The following SLC35E1 variants were observed in gnomAD, a reference collection of about 807,000 sequenced individuals.
The protein encoded by SLC35E1 is solute carrier family 35 member E1, also known as solute carrier family 35, member E1.
A neutral mutation model predicts 31.0 loss-of-function variants in SLC35E1; 12 were observed. The observed-to-expected ratio is 0.39, with a 90% CI of 0.25 to 0.63. The LOEUF (loss-of-function observed/expected upper bound fraction) is 0.63, where lower values mean the gene tolerates loss of function less well. Among genes scored for constraint, SLC35E1 ranks in the 20% least tolerant of loss-of-function variants. The pLI is 0.52. For missense variants in SLC35E1, 429 were observed against 572.2 expected, an observed-to-expected ratio of 0.75 and a Z score of 2.55; for synonymous variants, 257 against 264.1, an observed-to-expected ratio of 0.97 and a Z score of 0.26.
chr19:16,556,548 G>A (rs922867178), intron 4 of SLC35E1, among the ~76,000 whole-genome samples: 1 of 152,178 alleles, frequency 6.6e-6, no homozygotes, highest in African/African-American at 2.4e-5. Context: ...ACCCTGACCA[G>A]AATGAGGCCA....
rs1271683033 is a variant in SLC35E1, at chr19:16,555,868, T to C, written c.757-471A>G. On this transcript the variant is annotated intron_variant, in intron 4 of 5. Coordinates refer to ENST00000595753, the MANE Select transcript of SLC35E1 (RefSeq NM_024881.5). The surrounding 1 kb of genome is among the most constrained non-coding windows in gnomAD (Gnocchi z 4.1). ...GCGAGGATGAACAGAATCATGGCTT[T>C]TGAAGTGCTTTACAACAATCTCAAG... 6.1e-6 allele frequency: 1 copy of C among 163,202 alleles called. No individual in the cohort carries two copies. The highest frequency in any genetic ancestry group is 1.3e-5 in the Non-Finnish European group (1 of 74,888). 10.1% of individuals were successfully genotyped at this position (163,202 alleles called of 1,614,324 possible). A position where few individuals can be genotyped will look rare whatever the true frequency, so the allele number is the denominator to read the frequency against.
At chr19:16,567,908 C>T in intron 3 of SLC35E1, 124 bp downstream of exon 3, 1 of 1,307,430 alleles carries the variant, frequency 7.6e-7, no homozygotes, top group Non-Finnish European at 1.0e-6. Context: ...AGCAGAATGG[C>T]AATCAAGATT....
At position 16,551,494 on chromosome 19, in the gene SLC35E1, C is replaced by G. The variant is rs1481934061; in HGVS notation, c.*2185G>C. On this transcript the variant is annotated 3_prime_UTR_variant, in exon 6 of 6. Coordinates refer to ENST00000595753, the MANE Select transcript of SLC35E1 (RefSeq NM_024881.5). The stretch of plus-strand genomic sequence containing the variant: ...TCTCTGAACAGGGAAACATCTCGCT[C>G]GCTGGGAGATAAAAGGTAAATCTCT... 1 of 152,132 alleles carries G rather than the reference C, an allele frequency of 6.6e-6. No individual in the cohort carries two copies. The highest frequency in any genetic ancestry group is 2.4e-5 in the African/African-American group (1 of 41,418). The allele number at this position is 152,132 out of a possible 1,614,324, so 9.4% of individuals were successfully genotyped here.
At position 16,572,072 on chromosome 19, in the gene SLC35E1, G is replaced by A. The variant is rs757953755; in HGVS notation, c.293C>T (p.Ser98Leu). ...VSGPGPSPHP[S>L]SGPLLPPRFY... ...GCGCGGCGGCAGCAGCGGGCCGGAC[G>A]ACGGATGCGGACTGGGTCCGGGGCC... The change falls in exon 1 of 6, where the codon TCG becomes TTG. Residue 98 changes from serine to leucine, a missense_variant. Physicochemically the swap from Ser to Leu is moderately radical, Grantham distance 145 (BLOSUM62 -2). Transcript: ENST00000595753. This position sits in a 1 kb window ranked among gnomAD's most constrained non-coding sequence, Gnocchi z 4.1. 21 of 1,538,376 alleles carry A rather than the reference G, an allele frequency of 1.4e-5. No individual in the cohort carries two copies. The highest frequency in any genetic ancestry group is 4.4e-6 in the Non-Finnish European group (5 of 1,142,264).
chr19:16,557,405 G>A (rs530268873), intron 4 of SLC35E1, among the ~76,000 whole-genome samples: 6 of 152,248 alleles, frequency 3.9e-5, no homozygotes, highest in Admixed American at 3.3e-4. Context: ...GTGTTAGCCA[G>A]GATGGTCTCG....
intron 4 of SLC35E1, among the ~76,000 whole-genome samples, chr19:16,557,626 C>T (rs1490693848): frequency 6.6e-6 from 1 of 152,206 alleles, no homozygotes; most frequent in Non-Finnish European, 1.5e-5. Flanking sequence ...TGTTTTCTGT[C>T]ATGATCCGTG....
At position 16,571,581 on chromosome 19, in the gene SLC35E1, G is replaced by C. The variant is rs747679396; in HGVS notation, c.423C>G (p.Val141=). Residue 141 remains valine, a splice_region_variant and synonymous_variant, in exon 2 of 6, where the codon GTC becomes GTG. Coordinates refer to ENST00000595753, the MANE Select transcript of SLC35E1 (RefSeq NM_024881.5). ...CCACCCAGATGGGCATGGTGGCCTT[G>C]ACTGCAAAGAGAGGGATGGGCACTC... ...WKVPVSYAHT[V]KATMPIWVVL... 6.2e-7 allele frequency: 1 copy of C among 1,613,658 alleles called. No individual in the cohort carries two copies. The highest frequency in any genetic ancestry group is 8.5e-7 in the Non-Finnish European group (1 of 1,179,944).
At chr19:16,567,945 C>G in intron 3 of SLC35E1, 87 bp downstream of exon 3, 1 of 1,450,296 alleles carries the variant, frequency 6.9e-7, no homozygotes, top group Non-Finnish European at 9.1e-7. Flanking sequence ...AAAGAAATTT[C>G]TACTCCGCCT....
chr19:16,571,493 A>G lies in SLC35E1; in HGVS notation c.492+19T>C, dbSNP rs1370380119. ...CCCCCTGGAGCTCCCATCTGCCCAGAGTCCCTGCCCGGGGTTACCTTGGTG... is the reference window on the plus strand; with the variant it reads ...CCCCCTGGAGCTCCCATCTGCCCAGGGTCCCTGCCCGGGGTTACCTTGGTG... On this transcript the variant is annotated intron_variant, in intron 2 of 5. Transcript: ENST00000595753. The G allele has an allele frequency of 1.2e-6, 2 of 1,613,556 alleles. No homozygotes were observed. Among genetic ancestry groups the G allele is most frequent in the African/African-American group, 1.3e-5 (1 of 75,024 alleles).
At chr19:16,562,621 A>G (rs1468318732) in intron 4 of SLC35E1, among the ~76,000 whole-genome samples, 3 of 25,288 alleles carry the variant, frequency 1.2e-4, no homozygotes, top group Non-Finnish European at 2.2e-4. Context: ...TCTTTATTAT[A>G]GTATTTTGTT....
chr19:16,553,649 C>A lies in SLC35E1; in HGVS notation c.*30G>T. ...CTGCTGTGGGGGCCGGGGAAGGAGT[C>A]ACCAACAGTCTGGTCCTGTCCTTTG... On this transcript the variant is annotated 3_prime_UTR_variant, in exon 6 of 6. Transcript: ENST00000595753. The A allele has an allele frequency of 7.0e-7, 1 of 1,431,774 alleles. No homozygotes were observed. Among genetic ancestry groups the A allele is most frequent in the South Asian group, 1.7e-5 (1 of 59,946 alleles). 88.7% of individuals were successfully genotyped at this position (1,431,774 alleles called of 1,614,324 possible). A position where few individuals can be genotyped will look rare whatever the true frequency, so the allele number is the denominator to read the frequency against.
intron 4 of SLC35E1, among the ~76,000 whole-genome samples, chr19:16,559,812 T>C (rs564019237): frequency 2.6e-5 from 4 of 152,302 alleles, no homozygotes; most frequent in Admixed American, 6.5e-5. Flanking sequence ...TGTTGGCCCT[T>C]GTTGATTGTC....
chr19:16,556,276 C>T (rs554050010), intron 4 of SLC35E1, among the ~76,000 whole-genome samples: 4 of 151,740 alleles, frequency 2.6e-5, no homozygotes, highest in African/African-American at 2.4e-5. Context: ...AATCCCAGCA[C>T]TCTGGGAGGC....
At chr19:16,554,380 T>C (rs1468758472) in intron 5 of SLC35E1, among the ~76,000 whole-genome samples, 2 of 150,672 alleles carry the variant, frequency 1.3e-5, no homozygotes, top group Non-Finnish European at 2.9e-5. Flanking sequence ...ATGGACAGAC[T>C]CAGAAGACAA....
At position 16,550,584 on chromosome 19, in the gene SLC35E1, T is replaced by C. The variant is rs1294572998; in HGVS notation, c.*3095A>G. On this transcript the variant is annotated 3_prime_UTR_variant, in exon 6 of 6. Transcript: ENST00000595753. ...TGTCTCTACTAAAAACACAAAAAAT[T>C]AGCCAGCCGTGGTGGTGCATGCCTG... 1 of 152,118 alleles carries C rather than the reference T, an allele frequency of 6.6e-6. No individual in the cohort carries two copies. Among genetic ancestry groups the C allele is most frequent in the Non-Finnish European group, 1.5e-5 (1 of 68,100 alleles). 9.4% of individuals were successfully genotyped at this position (152,118 alleles called of 1,614,324 possible). A position where few individuals can be genotyped will look rare whatever the true frequency, so the allele number is the denominator to read the frequency against.
rs750812338 is a variant in SLC35E1, at chr19:16,572,014, G to C, written c.351C>G (p.Phe117Leu). 3.2e-6 allele frequency: 5 copies of C among 1,545,816 alleles called. No homozygotes were observed. ...FYPRYVLPLA[F>L]GKYFASVSAH... ...CTGACACGGACGCGAAGTACTTGCC[G>C]AAGGCGAGCGGTAGCACGTAGCGCG... The change falls in exon 1 of 6, where the codon TTC becomes TTG. Residue 117 changes from phenylalanine to leucine, a missense_variant. Phe to Leu is a conservative substitution (Grantham distance 22). Transcript: ENST00000595753. This position sits in a 1 kb window ranked among gnomAD's most constrained non-coding sequence, Gnocchi z 4.1.
chr19:16,558,202 C>T (rs2085885585), intron 4 of SLC35E1, among the ~76,000 whole-genome samples: 1 of 151,996 alleles, frequency 6.6e-6, no homozygotes, highest in Admixed American at 6.6e-5. Context: ...CACCACCATG[C>T]CCAGCTAATT....
chr19:16,571,968 C>A lies in SLC35E1; in HGVS notation c.397G>T (p.Val133Leu), dbSNP rs1176049737. Residue 133 changes from valine (V) to leucine (L), a missense_variant, in exon 1 of 6, where the codon GTG becomes TTG. Coordinates refer to ENST00000595753, the MANE Select transcript of SLC35E1 (RefSeq NM_024881.5). ...SVSAHVSIWK[V>L]PVSYAHTVKA... Reference sequence around the variant, plus strand: ...CCGGTGTGTGCATAGGACACGGGCACCTTCCAGATGCTGACGTGCGCTGAC... The same window carrying A: ...CCGGTGTGTGCATAGGACACGGGCAACTTCCAGATGCTGACGTGCGCTGAC... 1.3e-6 allele frequency: 2 copies of A among 1,547,492 alleles called. No homozygotes were observed. The highest frequency in any genetic ancestry group is 1.7e-6 in the Non-Finnish European group (2 of 1,145,654).
At chr19:16,570,863 G>C (rs572760294) in intron 2 of SLC35E1, among the ~76,000 whole-genome samples, 1 of 152,266 alleles carries the variant, frequency 6.6e-6, no homozygotes, top group African/African-American at 2.4e-5. Flanking sequence ...TTGGGAGGCT[G>C]AGGCGGACGG....
Sources: allele counts gnomAD v4.1 joint callset (sites outside exome capture counted in the v4.1 genomes callset), GRCh38; gene constraint gnomAD v4.1.1; non-coding constraint Gnocchi (gnomAD v3.1); transcripts MANE v1.5; gene names NCBI Gene and HGNC (gene_info 2026-07-23, HGNC 2026-07-21).